Variants in JAM2 observed in about 807,000 individuals in gnomAD.
JAM2 encodes junctional adhesion molecule 2.
A neutral mutation model predicts 42.0 loss-of-function variants in JAM2; 17 were observed. The observed-to-expected ratio is 0.40, with a 90% confidence interval of 0.28 to 0.61. The LOEUF (loss-of-function observed/expected upper bound fraction) is 0.61, where lower values mean the gene tolerates loss of function less well. JAM2 is among the 20% of genes least tolerant of loss of function. The pLI is 0.37. For synonymous variants in JAM2, 118 were observed against 128.6 expected, an observed-to-expected ratio of 0.92 and a Z score of 0.56; for missense variants, 319 against 358.3, an observed-to-expected ratio of 0.89 and a Z score of 0.89.
chr21:25,676,393 CT>C (rs2033497788), intron 1 of JAM2, among the ~76,000 whole-genome samples: 1 of 150,798 alleles, frequency 6.6e-6, no homozygotes, highest in East Asian at 1.9e-4. Flanking sequence ...TAAATAACAC[CT>C]TTATAGTAAT....
intron 1 of JAM2, among the ~76,000 whole-genome samples, chr21:25,651,719 A>C (rs551707893): frequency 2.0e-5 from 3 of 152,340 alleles, no homozygotes; most frequent in Non-Finnish European, 2.9e-5. Context: ...AACTATTATA[A>C]AAATGATTGA....
At chr21:25,701,403 C>G (rs993263088) in intron 5 of JAM2, among the ~76,000 whole-genome samples, 2 of 151,558 alleles carry the variant, frequency 1.3e-5, no homozygotes, top group African/African-American at 4.9e-5. Context: ...CTTTCTCCCT[C>G]TCTCCCTCCC....
chr21:25,685,645 A>G (rs73161749), intron 2 of JAM2, among the ~76,000 whole-genome samples: 12,383 of 152,088 alleles, frequency 0.081, 691 homozygotes, highest in East Asian at 0.3. Flanking sequence ...TTATATGCTT[A>G]AGCTATAGAA....
rs878907524 is a variant in JAM2, at chr21:25,693,639, TGA to T, written c.242-115_242-114del. The T allele has an allele frequency of 3.7e-5, 32 of 862,342 alleles. No individual in the cohort carries two copies. In the South Asian group the frequency reaches 5.6e-4, roughly 15 times the overall value. 53.4% of individuals were successfully genotyped at this position (862,342 alleles called of 1,614,324 possible). A position where few individuals can be genotyped will look rare whatever the true frequency, so the allele number is the denominator to read the frequency against. On this transcript the variant is annotated intron_variant, in intron 3 of 9. Transcript: ENST00000480456. ...ATATACAACTTTTAGGCTTTAAACT[TGA>T]GTTTATTAAAAGGGAAATAAATGCT...
At chr21:25,674,451 G>A (rs547597633) in intron 1 of JAM2, among the ~76,000 whole-genome samples, 2 of 152,242 alleles carry the variant, frequency 1.3e-5, no homozygotes, top group East Asian at 3.9e-4. Flanking sequence ...TCTCAGCAGT[G>A]TGAGAACAGA....
chr21:25,682,718 C>A (rs894445073), intron 1 of JAM2, among the ~76,000 whole-genome samples: 4 of 152,188 alleles, frequency 2.6e-5, no homozygotes, highest in Non-Finnish European at 5.9e-5. Flanking sequence ...CCAGAAAAAT[C>A]GGGTCACACA....
intron 5 of JAM2, 55 bp downstream of exon 5, chr21:25,698,934 T>A (rs760352574): frequency 1.4e-6 from 2 of 1,455,950 alleles, no homozygotes. Context: ...GATAAAAAAA[T>A]TATTAGAACT....
chr21:25,686,653 C>A (rs997459946), intron 2 of JAM2, among the ~76,000 whole-genome samples: 1 of 152,184 alleles, frequency 6.6e-6, no homozygotes, highest in Non-Finnish European at 1.5e-5. Flanking sequence ...GAGTCTAAAC[C>A]TGAAAGCTAT....
At chr21:25,660,784 T>TATATATATATA (rs2033066688) in intron 1 of JAM2, among the ~76,000 whole-genome samples, 3 of 25,512 alleles carry the variant, frequency 1.2e-4, no homozygotes, top group Non-Finnish European at 2.0e-4. Context: ...ATATATATAT[T>TATATATATATA]TTTTTTTTTT....
chr21:25,688,200 A>G (rs1055404239), intron 2 of JAM2, among the ~76,000 whole-genome samples: 1 of 152,192 alleles, frequency 6.6e-6, no homozygotes, highest in Non-Finnish European at 1.5e-5. Context: ...AGGTTTTTCC[A>G]CAGCGCAATA....
Position 25,639,609 on chromosome 21 carries a change from C to G in JAM2, c.-213C>G. 6 of 531,150 alleles carry G rather than the reference C, an allele frequency of 1.1e-5. No individual in the cohort carries two copies. 32.9% of individuals were successfully genotyped at this position (531,150 alleles called of 1,614,324 possible). ...CCCCAAAACAGAACAGACCCCCATC[C>G]CTGGGCTGGAGGACCCGCCTCTTGG... On this transcript the variant is annotated 5_prime_UTR_variant, in exon 1 of 10. Coordinates refer to ENST00000480456, the MANE Select transcript of JAM2 (RefSeq NM_021219.4).
intron 1 of JAM2, among the ~76,000 whole-genome samples, chr21:25,666,314 T>TC (rs1399789978): frequency 2.1e-5 from 3 of 145,518 alleles, no homozygotes; most frequent in Non-Finnish European, 4.4e-5. Flanking sequence ...TTGTTACGGC[T>TC]TTTATTATTA....
intron 6 of JAM2, among the ~76,000 whole-genome samples, chr21:25,704,610 G>A (rs1322679142): frequency 6.6e-6 from 1 of 152,158 alleles, no homozygotes; most frequent in Admixed American, 6.5e-5. Context: ...AACTTGCTTT[G>A]TAAAATGGGA....
intron 1 of JAM2, among the ~76,000 whole-genome samples, chr21:25,678,034 G>GA (rs1365271592): frequency 3.9e-5 from 6 of 152,000 alleles, no homozygotes; most frequent in Non-Finnish European, 7.4e-5. Flanking sequence ...AGGAGTTTGA[G>GA]AACAGCCATG....
intron 1 of JAM2, among the ~76,000 whole-genome samples, chr21:25,660,941 C>T (rs1429215082): frequency 6.7e-6 from 1 of 150,198 alleles, no homozygotes. Flanking sequence ...ATTATAGAAA[C>T]TTGCCACCAC....
chr21:25,655,647 ATTTTTTTTTTTTTTT>A (rs536746237), intron 1 of JAM2, among the ~76,000 whole-genome samples: 2 of 90,784 alleles, frequency 2.2e-5, no homozygotes, highest in Non-Finnish European at 3.8e-5. Context: ...CGCCCAGCTA[ATTTTTTTTTTTTTTT>A]TTTTTTTTTT....
chr21:25,645,477 G>A (rs547788582), intron 1 of JAM2, among the ~76,000 whole-genome samples: 1 of 152,274 alleles, frequency 6.6e-6, no homozygotes, highest in African/African-American at 2.4e-5. Flanking sequence ...ATTGGATGGA[G>A]TATGGTGAAT....
intron 1 of JAM2, among the ~76,000 whole-genome samples, chr21:25,674,414 A>G (rs1464092029): frequency 1.3e-5 from 2 of 152,118 alleles, no homozygotes; most frequent in Non-Finnish European, 2.9e-5. Context: ...AATAAAATAA[A>G]AAATAAAAAA....
chr21:25,707,917 T>C (rs778723380), intron 7 of JAM2, among the ~76,000 whole-genome samples: 3 of 152,060 alleles, frequency 2.0e-5, no homozygotes, highest in Non-Finnish European at 4.4e-5. Context: ...TGATCAAGGC[T>C]CACTGCAGCC....
Sources: allele counts gnomAD v4.1 joint callset (sites outside exome capture counted in the v4.1 genomes callset), GRCh38; gene constraint gnomAD v4.1.1; transcripts MANE v1.5; gene names NCBI Gene and HGNC (gene_info 2026-07-23, HGNC 2026-07-21).